The following PARD3 variants were observed in gnomAD, a reference collection of about 807,000 sequenced individuals.
PARD3 encodes par-3 family cell polarity regulator.
PARD3 carries 75 observed loss-of-function variants against 155.4 expected under a neutral mutation model. The observed-to-expected ratio is 0.48, with a 90% CI of 0.40 to 0.58. PARD3 has a LOEUF of 0.58. PARD3 is among the 20% of genes least tolerant of loss of function. The pLI is 0.00. For synonymous variants in PARD3, 576 were observed against 610.5 expected (o/e 0.94, Z 0.83); for missense variants, 1,642 against 1,721.7 (o/e 0.95, Z 0.82).
intron 2 of PARD3, among the ~76,000 whole-genome samples, chr10:34,530,418 G>A (rs950393571): frequency 1.4e-4 from 21 of 152,088 alleles, no homozygotes; most frequent in South Asian, 8.3e-4. Flanking sequence ...GCACTGCTTC[G>A]TCTCTGTCTT....
At chr10:34,749,462 T>TA (rs1000863481) in intron 1 of PARD3, among the ~76,000 whole-genome samples, 2 of 151,164 alleles carry the variant, frequency 1.3e-5, no homozygotes, top group Non-Finnish European at 2.9e-5. Flanking sequence ...ATGAAGGTTA[T>TA]AAAAAATATA....
intron 15 of PARD3, among the ~76,000 whole-genome samples, chr10:34,342,467 A>G (rs1185390399): frequency 6.6e-6 from 1 of 152,240 alleles, no homozygotes; most frequent in Non-Finnish European, 1.5e-5. Context: ...AAATGATGAT[A>G]TTTATTTTAG....
intron 22 of PARD3, among the ~76,000 whole-genome samples, chr10:34,247,113 A>G (rs919138736): frequency 2.6e-5 from 4 of 152,214 alleles, no homozygotes; most frequent in South Asian, 2.1e-4. Flanking sequence ...GCCCTCAGTA[A>G]TACAAAATGT....
chr10:34,531,719 C>T lies in PARD3; in HGVS notation c.223-14560G>A, dbSNP rs183218887. On this transcript the variant is annotated intron_variant, in intron 2 of 24. Transcript: ENST00000374788. ...TAGCTGCAGACTTCAATCTATGGTACATATCAACTCTTTGTTCTAATGTCA... is the reference window on the plus strand; with the variant it reads ...TAGCTGCAGACTTCAATCTATGGTATATATCAACTCTTTGTTCTAATGTCA... 1.0e-3 allele frequency among the ~76,000 whole-genome samples: 159 copies of T among 152,266 alleles called. 1 individual carries two copies. The highest frequency in any genetic ancestry group is 3.7e-3 in the African/African-American group (155 of 41,558).
intron 2 of PARD3, among the ~76,000 whole-genome samples, chr10:34,550,441 AG>A (rs1358953008): frequency 2.0e-5 from 3 of 152,204 alleles, no homozygotes; most frequent in Non-Finnish European, 2.9e-5. Flanking sequence ...CGAACTCCTA[AG>A]CCCAAGTATC....
chr10:34,473,642 C>T (rs962533513), intron 3 of PARD3, among the ~76,000 whole-genome samples: 1 of 152,216 alleles, frequency 6.6e-6, no homozygotes, highest in Non-Finnish European at 1.5e-5. Context: ...TGAGGACTGG[C>T]TAAAACAGGG....
At chr10:34,754,419 G>C (rs1836454400) in intron 1 of PARD3, among the ~76,000 whole-genome samples, 1 of 152,204 alleles carries the variant, frequency 6.6e-6, no homozygotes, top group Non-Finnish European at 1.5e-5. Flanking sequence ...CCCGTCTTAT[G>C]AAACATCACG....
At chr10:34,288,524 C>T (rs1050473207) in intron 20 of PARD3, among the ~76,000 whole-genome samples, 1 of 152,256 alleles carries the variant, frequency 6.6e-6, no homozygotes, top group South Asian at 2.1e-4. Context: ...ACTGTACTTC[C>T]TAATTTATAG....
chr10:34,518,915 C>T (rs879446038), intron 2 of PARD3, among the ~76,000 whole-genome samples: 5 of 152,152 alleles, frequency 3.3e-5, no homozygotes, highest in African/African-American at 9.7e-5. Context: ...CACTGCTGTA[C>T]CCAGGTTAAC....
chr10:34,595,675 T>C (rs2089184158), intron 2 of PARD3, among the ~76,000 whole-genome samples: 1 of 152,190 alleles, frequency 6.6e-6, no homozygotes, highest in Non-Finnish European at 1.5e-5. Context: ...TGGAATGAAA[T>C]AAGCTTTTAC....
chr10:34,791,948 G>C (rs1841683624), intron 1 of PARD3, among the ~76,000 whole-genome samples: 1 of 151,756 alleles, frequency 6.6e-6, no homozygotes, highest in Non-Finnish European at 1.5e-5. Flanking sequence ...TGAATGTTTT[G>C]TTACACACGG....
chr10:34,111,953 T>C (rs930265630), intron 24 of PARD3, among the ~76,000 whole-genome samples: 4 of 152,212 alleles, frequency 2.6e-5, no homozygotes, highest in African/African-American at 9.6e-5. Context: ...ATTGCTCGCT[T>C]TAGAACATTA....
intron 15 of PARD3, chr10:34,344,291 T>G (rs1022573447): frequency 4.3e-5 from 42 of 981,202 alleles, no homozygotes; most frequent in Non-Finnish European, 4.2e-5. Context: ...TTTTTTTTTT[T>G]TTTTTTTTGG....
intron 1 of PARD3, among the ~76,000 whole-genome samples, chr10:34,794,888 T>C (rs1327423857): frequency 6.6e-6 from 1 of 152,278 alleles, no homozygotes; most frequent in Admixed American, 6.5e-5. Context: ...TACACACGCA[T>C]ATGCGCACAT....
chr10:34,269,877 A>G lies in PARD3; in HGVS notation c.3199T>C (p.Phe1067Leu). 6.2e-7 allele frequency: 1 copy of G among 1,613,712 alleles called. No individual in the cohort carries two copies. The highest frequency in any genetic ancestry group is 1.7e-5 in the Admixed American group (1 of 59,984). The change falls in exon 22 of 25, where the codon TTT (phenylalanine) becomes CTT (leucine). Residue 1067 changes from phenylalanine to leucine, a missense_variant. Physicochemically the swap from Phe to Leu is conservative, Grantham distance 22. Coordinates refer to ENST00000374788, the MANE Select transcript of PARD3 (RefSeq NM_001184785.2). The stretch of plus-strand genomic sequence containing the variant: ...CGCTCTCGAGCTTGTCGTTCCCTAA[A>G]TTCTCGAGTTTTGGCTTGAATCCTA... ...QERIQAKTREFRERQARERDY... is the reference protein window; with the variant it reads ...QERIQAKTRELRERQARERDY...
chr10:34,228,652 T>A (rs1952751730), intron 22 of PARD3, among the ~76,000 whole-genome samples: 1 of 152,056 alleles, frequency 6.6e-6, no homozygotes, highest in Non-Finnish European at 1.5e-5. Context: ...ATATGAACAT[T>A]ATACTTCAAT....
At chr10:34,728,956 A>G (rs916177043) in intron 1 of PARD3, among the ~76,000 whole-genome samples, 6 of 152,138 alleles carry the variant, frequency 3.9e-5, no homozygotes, top group African/African-American at 1.2e-4. Context: ...CTAGGTTCCG[A>G]TATGTTTAGA....
At chr10:34,573,768 CACACACACACACACACAG>C (rs1430725516) in intron 2 of PARD3, among the ~76,000 whole-genome samples, 9 of 151,146 alleles carry the variant, frequency 6.0e-5, no homozygotes, top group African/African-American at 2.0e-4. Context: ...CACACACACA[CACACACACACACACACAG>C]AGAATCAGCC....
At chr10:34,457,587 T>C (rs953458657) in intron 4 of PARD3, among the ~76,000 whole-genome samples, 7 of 152,036 alleles carry the variant, frequency 4.6e-5, no homozygotes, top group African/African-American at 1.7e-4. Flanking sequence ...AATGCCCAAA[T>C]TCTACTCACT....
Sources: allele counts gnomAD v4.1 joint callset (sites outside exome capture counted in the v4.1 genomes callset), GRCh38; gene constraint gnomAD v4.1.1; transcripts MANE v1.5; gene names NCBI Gene and HGNC (gene_info 2026-07-23, HGNC 2026-07-21).